Variants in CDH13 observed in about 807,000 individuals in gnomAD.
CDH13 encodes cadherin-13.
CDH13 carries 24 observed loss-of-function variants against 63.8 expected under a neutral mutation model. The ratio of observed to expected loss-of-function variants is 0.38; its 90% CI spans 0.27 to 0.53. The LOEUF (loss-of-function observed/expected upper bound fraction) is 0.53. CDH13 is among the 20% of genes least tolerant of loss of function. The pLI, the probability that CDH13 is intolerant of heterozygous loss-of-function variation, is 0.85. For missense variants in CDH13, 1,049 were observed against 903.1 expected, an observed-to-expected ratio of 1.16 and a Z score of -2.07; for synonymous variants, 503 against 355.3, an observed-to-expected ratio of 1.42 and a Z score of -4.67.
At chr16:82,731,948 C>T (rs1432627306) in intron 1 of CDH13, among the ~76,000 whole-genome samples, 1 of 152,096 alleles carries the variant, frequency 6.6e-6, no homozygotes, top group African/African-American at 2.4e-5. Flanking sequence ...TTGAGTGGTT[C>T]CTCCACCTGA....
chr16:83,032,673 G>A (rs1037604348), intron 3 of CDH13, among the ~76,000 whole-genome samples: 1 of 152,084 alleles, frequency 6.6e-6, no homozygotes, highest in African/African-American at 2.4e-5. Flanking sequence ...ATTCAGTCTC[G>A]TAGGTTAGAT....
intron 5 of CDH13, among the ~76,000 whole-genome samples, chr16:83,242,411 G>A (rs1206039628): frequency 3.3e-5 from 5 of 151,308 alleles, no homozygotes; most frequent in East Asian, 1.9e-4. Context: ...AGAAAAATAG[G>A]TTGGTCATTT....
At chr16:82,858,237 T>C (rs2039782831) in intron 1 of CDH13, 125 bp from the exon 2 acceptor site, 1 of 634,382 alleles carries the variant, frequency 1.6e-6, no homozygotes, top group Non-Finnish European at 2.8e-6. Flanking sequence ...AGTTTCAACT[T>C]ACCTCTTCAT....
At chr16:83,778,645 A>G (rs1317863844) in intron 11 of CDH13, among the ~76,000 whole-genome samples, 1 of 152,242 alleles carries the variant, frequency 6.6e-6, no homozygotes, top group African/African-American at 2.4e-5. Context: ...CAGGAAAAAA[A>G]CAAGGCTTTA....
At chr16:82,776,245 T>G (rs1238818847) in intron 1 of CDH13, among the ~76,000 whole-genome samples, 3 of 125,582 alleles carry the variant, frequency 2.4e-5, no homozygotes, top group South Asian at 2.5e-4. Context: ...AAGGAAGGGA[T>G]TAAGGGAGGG....
intron 10 of CDH13, among the ~76,000 whole-genome samples, chr16:83,688,544 A>G (rs1904535282): frequency 6.6e-6 from 1 of 152,236 alleles, no homozygotes; most frequent in Non-Finnish European, 1.5e-5. Context: ...CTATATTATT[A>G]ACACTTCATC....
intron 6 of CDH13, among the ~76,000 whole-genome samples, chr16:83,442,502 G>A (rs1265967486): frequency 6.6e-6 from 1 of 152,216 alleles, no homozygotes; most frequent in Non-Finnish European, 1.5e-5. Context: ...GGAGAACTCA[G>A]TGATGGATGA....
At chr16:83,523,474 A>G (rs2074887013) in intron 7 of CDH13, among the ~76,000 whole-genome samples, 1 of 152,124 alleles carries the variant, frequency 6.6e-6, no homozygotes, top group African/African-American at 2.4e-5. Flanking sequence ...ATCCTTGAAG[A>G]GAAACTCACC....
intron 2 of CDH13, among the ~76,000 whole-genome samples, chr16:82,906,639 A>G (rs1420554174): frequency 2.6e-5 from 4 of 152,158 alleles, no homozygotes; most frequent in Non-Finnish European, 5.9e-5. Flanking sequence ...ACAGATTACC[A>G]CTAACTCAAA....
At chr16:83,250,855 T>C (rs1003181215) in intron 5 of CDH13, among the ~76,000 whole-genome samples, 1 of 152,210 alleles carries the variant, frequency 6.6e-6, no homozygotes, top group Non-Finnish European at 1.5e-5. Context: ...TCAAGTGATA[T>C]GGGAGTGACT....
chr16:83,016,483 C>G (rs1914807497), intron 2 of CDH13, among the ~76,000 whole-genome samples: 2 of 152,170 alleles, frequency 1.3e-5, no homozygotes, highest in African/African-American at 2.4e-5. Flanking sequence ...CTCTTGCCCT[C>G]AAGGATCTTC....
At chr16:82,800,140 T>C (rs868668962) in intron 1 of CDH13, among the ~76,000 whole-genome samples, 4 of 152,198 alleles carry the variant, frequency 2.6e-5, no homozygotes, top group African/African-American at 9.6e-5. Flanking sequence ...CAATAAGCAT[T>C]TTTTTAAAGG....
chr16:83,372,754 A>C (rs1306961229), intron 6 of CDH13, among the ~76,000 whole-genome samples: 11 of 149,816 alleles, frequency 7.3e-5, no homozygotes, highest in Admixed American at 3.3e-4. Flanking sequence ...CGGTCTAAAA[A>C]AAAAAAAAAA....
intron 8 of CDH13, among the ~76,000 whole-genome samples, chr16:83,611,050 A>T (rs1908813434): frequency 6.6e-6 from 1 of 152,112 alleles, no homozygotes. Context: ...CTGGTGGCTG[A>T]TGAAGTTGAC....
intron 5 of CDH13, among the ~76,000 whole-genome samples, chr16:83,247,229 A>C (rs1206907463): frequency 3.3e-5 from 5 of 152,174 alleles, no homozygotes; most frequent in Non-Finnish European, 5.9e-5. Context: ...TAAGCCCACT[A>C]GAAGGAGGCA....
chr16:83,124,019 GT>G (rs1249526343), intron 3 of CDH13, among the ~76,000 whole-genome samples: 3 of 152,086 alleles, frequency 2.0e-5, no homozygotes, highest in Non-Finnish European at 4.4e-5. Flanking sequence ...AAGAATGTCT[GT>G]TCATGTTGTT....
chr16:83,763,415 T>A (rs1007882150), intron 11 of CDH13, among the ~76,000 whole-genome samples: 5 of 152,292 alleles, frequency 3.3e-5, no homozygotes, highest in East Asian at 3.9e-4. Flanking sequence ...TTGATTTTTT[T>A]TAAAAATTGT....
intron 1 of CDH13, among the ~76,000 whole-genome samples, chr16:82,678,565 C>G (rs919976934): frequency 1.3e-5 from 2 of 152,268 alleles, no homozygotes; most frequent in Non-Finnish European, 2.9e-5. Flanking sequence ...GATGAGGAAG[C>G]TTGTCAGAAG....
chr16:82,996,945 TTGTTGATGA>T (rs1320302383), intron 2 of CDH13, among the ~76,000 whole-genome samples: 1 of 113,208 alleles, frequency 8.8e-6, no homozygotes, highest in African/African-American at 4.3e-5. Flanking sequence ...TACGATGGTG[TTGTTGATGA>T]TGGTGGTGGT....
Sources: gnomAD v4.1 joint callset for allele counts (sites outside exome capture counted in the v4.1 genomes callset) on GRCh38, gnomAD v4.1.1 for gene constraint, MANE v1.5 for transcripts, NCBI Gene and HGNC (gene_info 2026-07-23, HGNC 2026-07-21) for gene names.